The following GJA3 variants were observed in gnomAD, a reference collection of about 807,000 sequenced individuals.
GJA3 encodes gap junction protein alpha 3.
For synonymous variants in GJA3, 297 were observed against 292.6 expected (o/e 1.02, Z -0.15); for missense variants, 571 against 620.3 (o/e 0.92, Z 0.84).
chr13:20,155,785 T>C (rs1028344721), intron 1 of GJA3, among the ~76,000 whole-genome samples: 1 of 151,950 alleles, frequency 6.6e-6, no homozygotes, highest in Non-Finnish European at 1.5e-5. Context: ...GATTTTAGTA[T>C]TTGTTGGCAT....
intron 1 of GJA3, among the ~76,000 whole-genome samples, chr13:20,155,636 T>A (rs1566519498): frequency 1.3e-5 from 2 of 152,064 alleles, no homozygotes; most frequent in African/African-American, 4.8e-5. Context: ...GTTTATCTTT[T>A]GTTAATGAAC....
chr13:20,149,067 T>C (rs1167193544), intron 1 of GJA3, among the ~76,000 whole-genome samples: 1 of 152,228 alleles, frequency 6.6e-6, no homozygotes, highest in East Asian at 1.9e-4. Context: ...TACGTTTTCC[T>C]TTCAACGGTA....
At position 20,139,937 on chromosome 13, in the gene GJA3, C is replaced by T. The variant is rs1958797671; in HGVS notation, c.*2044G>A. On this transcript the variant is annotated 3_prime_UTR_variant, in exon 2 of 2. Coordinates refer to ENST00000241125, the MANE Select transcript of GJA3 (RefSeq NM_021954.4). ...CTTGTACTTGAGCTGTACTTGTGCT[C>T]TTGGATGATTGCTATTGCATTTTCT... The T allele has an allele frequency of 6.6e-6, 1 of 152,178 alleles. No homozygotes were observed. The highest frequency in any genetic ancestry group is 1.5e-5 in the Non-Finnish European group (1 of 68,036). 9.4% of individuals were successfully genotyped at this position (152,178 alleles called of 1,614,324 possible). A position where few individuals can be genotyped will look rare whatever the true frequency, so the allele number is the denominator to read the frequency against.
chr13:20,142,803 G>A lies in GJA3; in HGVS notation c.486C>T (p.Gly162=). ...ACAGAAAGTACTGGCCGGCGATGAA[G>A]CCCACCTCGAACAGCGTCTTGAAGA... ...NIIFKTLFEV[G]FIAGQYFLYG... The change falls in exon 2 of 2, where the codon GGC becomes GGT. Residue 162 remains glycine (G), a synonymous_variant. Coordinates refer to ENST00000241125, the MANE Select transcript of GJA3 (RefSeq NM_021954.4). 2 of 1,613,644 alleles carry A rather than the reference G, an allele frequency of 1.2e-6. No individual in the cohort carries two copies. The highest frequency in any genetic ancestry group is 1.7e-6 in the Non-Finnish European group (2 of 1,179,850).
At chr13:20,156,761 C>A (rs1224886841) in intron 1 of GJA3, among the ~76,000 whole-genome samples, 1 of 152,198 alleles carries the variant, frequency 6.6e-6, no homozygotes, top group African/African-American at 2.4e-5. Context: ...AATAAATATT[C>A]CCTCTAGAAA....
chr13:20,142,273 G>A lies in GJA3; in HGVS notation c.1016C>T (p.Ala339Val), dbSNP rs1414490665. 7 of 1,563,712 alleles carry A rather than the reference G, an allele frequency of 4.5e-6. No homozygotes were observed. The highest frequency in any genetic ancestry group is 1.9e-5 in the Admixed American group (1 of 53,564). The change falls in exon 2 of 2, where the codon GCG (alanine) becomes GTG (valine). Residue 339 changes from alanine (A) to valine (V), a missense_variant. Coordinates refer to ENST00000241125, the MANE Select transcript of GJA3 (RefSeq NM_021954.4). The stretch of plus-strand genomic sequence containing the variant: ...GGACGCTGCCGGGTAAGCCTTGAGC[G>A]CCGGGGGCTGCCGCTCGGCCGCCTG... Reference protein sequence around the residue: ...ANQAAERQPPALKAYPAASTP... With the variant: ...ANQAAERQPPVLKAYPAASTP...
chr13:20,153,449 A>G (rs1185605935), intron 1 of GJA3, among the ~76,000 whole-genome samples: 1 of 152,230 alleles, frequency 6.6e-6, no homozygotes, highest in Non-Finnish European at 1.5e-5. Flanking sequence ...AATACTATGC[A>G]GCCATAAAAA....
chr13:20,149,190 C>T (rs951870968), intron 1 of GJA3, among the ~76,000 whole-genome samples: 4 of 150,216 alleles, frequency 2.7e-5, no homozygotes, highest in Non-Finnish European at 4.4e-5. Context: ...TTTTGATGGC[C>T]ACACAAGAAG....
rs1160132819 is a variant in GJA3 at position 20,139,408 on chromosome 13, CAGAG to C, written c.*2569_*2572del. On this transcript the variant is annotated 3_prime_UTR_variant, in exon 2 of 2. Coordinates refer to ENST00000241125, the MANE Select transcript of GJA3 (RefSeq NM_021954.4). ...AAAAATAGGTCTGGAATCTTGCCCA[CAGAG>C]AGAGGCAATTTCTATTTTTATTGCA... The C allele has an allele frequency of 6.6e-6, 1 of 151,976 alleles. No individual in the cohort carries two copies. Among genetic ancestry groups the C allele is most frequent in the African/African-American group, 2.4e-5 (1 of 41,354 alleles). The allele number at this position is 151,976 out of a possible 1,614,324, so 9.4% of individuals were successfully genotyped here.
intron 1 of GJA3, among the ~76,000 whole-genome samples, chr13:20,151,809 G>A (rs1958879545): frequency 6.6e-6 from 1 of 152,164 alleles, no homozygotes; most frequent in Admixed American, 6.5e-5. Flanking sequence ...GGATGGAACA[G>A]AAGAGTAGCC....
chr13:20,149,108 T>C (rs1050908856), intron 1 of GJA3, among the ~76,000 whole-genome samples: 4 of 152,196 alleles, frequency 2.6e-5, no homozygotes, highest in African/African-American at 9.7e-5. Context: ...TCAAGATCCA[T>C]TGCATTTTCC....
intron 1 of GJA3, among the ~76,000 whole-genome samples, chr13:20,148,773 C>T (rs1958859096): frequency 6.6e-6 from 1 of 152,250 alleles, no homozygotes; most frequent in African/African-American, 2.4e-5. Flanking sequence ...TTTCGCTCAT[C>T]ACCCACGGGG....
intron 1 of GJA3, among the ~76,000 whole-genome samples, chr13:20,152,576 G>C (rs1958884943): frequency 6.6e-6 from 1 of 152,002 alleles, no homozygotes; most frequent in Admixed American, 6.6e-5. Context: ...GTAGAGACAG[G>C]GTTTTGGCTG....
chr13:20,146,379 T>C (rs1566516573), intron 1 of GJA3, among the ~76,000 whole-genome samples: 1 of 152,216 alleles, frequency 6.6e-6, no homozygotes, highest in Non-Finnish European at 1.5e-5. Context: ...TTGAGAAACA[T>C]GGGGCCAAAT....
Position 20,140,722 on chromosome 13 carries a change from C to G in GJA3, c.*1259G>C, listed in dbSNP as rs555607592. On this transcript the variant is annotated 3_prime_UTR_variant, in exon 2 of 2. Transcript: ENST00000241125. ...ATGGGGCATACAGCCTGCATGAGCA[C>G]GCGCCCTCCCCCAGGCAGGGATCCC... is the stretch of plus-strand genomic sequence containing the variant. 2 of 152,352 alleles carry G rather than the reference C, an allele frequency of 1.3e-5. No individual in the cohort carries two copies. The highest frequency in any genetic ancestry group is 2.9e-5 in the Non-Finnish European group (2 of 68,050). The allele number at this position is 152,352 out of a possible 1,614,324, so 9.4% of individuals were successfully genotyped here.
chr13:20,150,136 T>C (rs888435997), intron 1 of GJA3, among the ~76,000 whole-genome samples: 5 of 151,854 alleles, frequency 3.3e-5, no homozygotes, highest in African/African-American at 1.2e-4. Context: ...ACCGGGAAAA[T>C]GATGGCACCG....
In GJA3 at chr13:20,142,931, G is replaced by A. The variant is rs753479225; in HGVS notation, c.358C>T (p.Pro120Ser). 3.2e-6 allele frequency: 5 copies of A among 1,577,958 alleles called. No individual in the cohort carries two copies. Among genetic ancestry groups the A allele is most frequent in the Non-Finnish European group, 4.3e-6 (5 of 1,161,864 alleles). ...TCCTGCGGTGGCTCCTTGGGGCTGG[G>A]GCTCTCTCTCTTCAGCTGCTCCTCC... The part of the protein sequence containing the change: ...EEEEQLKRES[P>S]SPKEPPQDNP... Residue 120 changes from proline (P) to serine (S), a missense_variant, in exon 2 of 2, where the codon CCC becomes TCC. Transcript: ENST00000241125.
rs1025143356 is a variant in GJA3 at position 20,142,182 on chromosome 13, G to A, written c.1107C>T (p.Gly369=). ...SPPLAHEAEA[G]AAPLLLDGSG... is the part of the protein sequence containing the mutation. ...TCCCATCCAGCAGCAGGGGCGCCGC[G>A]CCCGCCTCAGCCTCGTGCGCGAGTG... is the stretch of plus-strand genomic sequence containing the variant. The change falls in exon 2 of 2, where the codon GGC becomes GGT. Residue 369 remains glycine (G), a synonymous_variant. Transcript: ENST00000241125. The A allele has an allele frequency of 4.0e-6, 6 of 1,512,940 alleles. No homozygotes were observed. The African/African-American group carries it at 4.2e-5, about 11-fold the overall frequency. The allele number at this position is 1,512,940 out of a possible 1,614,324, so 93.7% of individuals were successfully genotyped here.
intron 1 of GJA3, among the ~76,000 whole-genome samples, chr13:20,147,298 G>C (rs920857804): frequency 1.3e-5 from 2 of 152,204 alleles, no homozygotes; most frequent in African/African-American, 4.8e-5. Context: ...TGTGAGGGGA[G>C]AACCTTATTT....
Sources: allele counts gnomAD v4.1 joint callset (sites outside exome capture counted in the v4.1 genomes callset), GRCh38; gene constraint gnomAD v4.1.1; transcripts MANE v1.5; gene names NCBI Gene and HGNC (gene_info 2026-07-23, HGNC 2026-07-21).